The following DOCK11 variants were observed in gnomAD, a reference collection of about 807,000 sequenced individuals.
The protein encoded by DOCK11 is dedicator of cytokinesis 11, also known as dedicator of cytokinesis protein 11.
Under a neutral mutation model 169.1 loss-of-function variants are expected in DOCK11, and 70 were observed. The ratio of observed to expected loss-of-function variants is 0.41; its 90% CI spans 0.34 to 0.51. DOCK11 has a LOEUF of 0.51. DOCK11 is among the 20% of genes least tolerant of loss of function. The pLI, the probability that DOCK11 is intolerant of heterozygous loss-of-function variation, is 0.10. For synonymous variants in DOCK11, 529 were observed against 541.3 expected (o/e 0.98, Z 0.32); for missense variants, 1,166 against 1,538.8 (o/e 0.76, Z 4.05).
chrX:118,580,351 T>C (rs1030342025), intron 14 of DOCK11, among the ~76,000 whole-genome samples, 172 bp downstream of exon 14: 3 of 111,905 alleles, frequency 2.7e-5, no homozygotes, highest in Middle Eastern at 9.2e-3. Context: ...AGTTTCGCTC[T>C]TGTTGCCCAG....
At chrX:118,668,834 G>A (rs1020066651) in intron 45 of DOCK11, among the ~76,000 whole-genome samples, 4 of 111,631 alleles carry the variant, frequency 3.6e-5, no homozygotes, top group African/African-American at 1.3e-4. Context: ...GATTAACCAA[G>A]TAGAAGGGAT....
chrX:118,560,838 G>T (rs934690620), intron 6 of DOCK11, among the ~76,000 whole-genome samples: 4 of 111,412 alleles, frequency 3.6e-5, no homozygotes, highest in African/African-American at 1.3e-4. Context: ...CAGCACTTGG[G>T]GCACTCGACA....
At chrX:118,544,645 CTTTTTTTTTTTTTTTTTTTTTTTTTTTTT>C (rs1157804079) in intron 4 of DOCK11, among the ~76,000 whole-genome samples, 9 of 23,345 alleles carry the variant, frequency 3.9e-4, no homozygotes, top group African/African-American at 1.4e-3. Flanking sequence ...TACACTGTTG[CTTTTTTTTTTTTTTTTTTTTTTTTTTTTT>C]TTTGAGACAG....
rs376462551 is a variant in DOCK11, at chrX:118,654,877, A to C, written c.4912-27A>C. The C allele has an allele frequency of 5.8e-6, 7 of 1,206,951 alleles. No homozygotes were observed. The African/African-American group carries it at 7.0e-5, about 12-fold the overall frequency. ...CAAAACACCTTGAGCATGTTCTGAC[A>C]GTTCTTTCTCTGTCATCCTTTTTCA... On this transcript the variant is annotated intron_variant, in intron 43 of 52. Transcript: ENST00000276202.
chrX:118,656,480 C>G (rs2016073157), intron 44 of DOCK11, among the ~76,000 whole-genome samples: 1 of 110,262 alleles, frequency 9.1e-6, no homozygotes, highest in Non-Finnish European at 1.9e-5. Flanking sequence ...AGATTAATTA[C>G]CAAAATAAGG....
intron 31 of DOCK11, among the ~76,000 whole-genome samples, chrX:118,620,111 C>T (rs1323494107): frequency 1.8e-5 from 2 of 111,179 alleles, no homozygotes; most frequent in Non-Finnish European, 3.8e-5. Flanking sequence ...CCACCATGCC[C>T]GGCCTATTTA....
chrX:118,650,910 C>A (rs2147538575), intron 41 of DOCK11, among the ~76,000 whole-genome samples: 1 of 111,924 alleles, frequency 8.9e-6, no homozygotes, highest in South Asian at 3.7e-4. Context: ...GGATTTTTAT[C>A]ATAGGCATTT....
At chrX:118,598,719 G>T (rs748706929) in intron 22 of DOCK11, among the ~76,000 whole-genome samples, 1 of 112,306 alleles carries the variant, frequency 8.9e-6, no homozygotes, top group Non-Finnish European at 1.9e-5. Flanking sequence ...AAGTGCCATG[G>T]TAAATTTGGG....
rs1372074218 is a variant in DOCK11, at chrX:118,627,560, G to C, written c.3645G>C (p.Leu1215=). Residue 1215 remains leucine, a synonymous_variant, in exon 33 of 53, where the codon CTG becomes CTC. Coordinates refer to ENST00000276202, the MANE Select transcript of DOCK11 (RefSeq NM_144658.4). ...CTTCACCTGCCAATAGAGGGAGTCTGAGCACTGACAAAGACACCGGTAATT... is the reference window on the plus strand; with the variant it reads ...CTTCACCTGCCAATAGAGGGAGTCTCAGCACTGACAAAGACACCGGTAATT... ...GFTSPANRGS[L]STDKDTAYGS... The C allele has an allele frequency of 1.7e-6, 2 of 1,208,870 alleles. No homozygotes were observed. The highest frequency in any genetic ancestry group is 1.8e-5 in the South Asian group (1 of 56,873).
intron 14 of DOCK11, among the ~76,000 whole-genome samples, chrX:118,583,790 C>G (rs1246719224): frequency 1.8e-5 from 2 of 111,532 alleles, no homozygotes; most frequent in African/African-American, 6.5e-5. Context: ...TATTCACATC[C>G]TCCCATGTAC....
chrX:118,546,945 G>T (rs2012307469), intron 6 of DOCK11, among the ~76,000 whole-genome samples: 1 of 111,516 alleles, frequency 9.0e-6, no homozygotes, highest in African/African-American at 3.3e-5. Context: ...AGCCAAGATG[G>T]CACTACTGCA....
At position 118,600,084 on chromosome X, in the gene DOCK11, C is replaced by T. The variant is rs2014286928; in HGVS notation, c.2562+856C>T. On this transcript the variant is annotated intron_variant, in intron 23 of 52. Transcript: ENST00000276202. ...CTGTCATGTGAGGATAACAATAGTG[C>T]CCATCTTGTAGGGTGGTTGTGAGAC... Among the ~76,000 whole-genome samples the T allele has an allele frequency of 2.7e-5, 3 of 111,327 alleles. No homozygotes were observed. The Admixed American group carries it at 2.9e-4, about 11-fold the overall frequency.
In DOCK11 at chrX:118,584,735, A is replaced by T; in HGVS notation, c.1596A>T (p.Arg532Ser). Residue 532 changes from arginine to serine, a missense_variant and splice_region_variant, in exon 15 of 53, where the codon AGA becomes AGT. Coordinates refer to ENST00000276202, the MANE Select transcript of DOCK11 (RefSeq NM_144658.4). ...QYRMPFAWAARPIFKDTQGSL... is the reference protein window; with the variant it reads ...QYRMPFAWAASPIFKDTQGSL... ...AAAAATGCTTCTGTTGCTGTTTTAGACCCATTTTCAAAGATACTCAAGGCT... is the reference window on the plus strand; with the variant it reads ...AAAAATGCTTCTGTTGCTGTTTTAGTCCCATTTTCAAAGATACTCAAGGCT... 1 of 1,148,451 alleles carries T rather than the reference A, an allele frequency of 8.7e-7. No homozygotes were observed. The highest frequency in any genetic ancestry group is 3.1e-5 in the East Asian group (1 of 32,369). The allele number at this position is 1,148,451 out of a possible 1,213,427, so 94.6% of individuals were successfully genotyped here.
chrX:118,664,040 A>T (rs1023501187), intron 45 of DOCK11, among the ~76,000 whole-genome samples: 1 of 110,873 alleles, frequency 9.0e-6, no homozygotes, highest in African/African-American at 3.3e-5. Context: ...TTTGGTGATG[A>T]TGTGGGAGAT....
chrX:118,601,615 T>C (rs1188728100), intron 23 of DOCK11, among the ~76,000 whole-genome samples: 1 of 111,495 alleles, frequency 9.0e-6, no homozygotes, highest in Non-Finnish European at 1.9e-5. Context: ...ATTCTTAAAA[T>C]AGAAAAGTTC....
At chrX:118,644,145 CAG>C (rs773038393) in intron 40 of DOCK11, among the ~76,000 whole-genome samples, 8 of 111,738 alleles carry the variant, frequency 7.2e-5, no homozygotes, top group Non-Finnish European at 1.3e-4. Context: ...ATGACTGAAA[CAG>C]ACAGCAAAGA....
intron 20 of DOCK11, among the ~76,000 whole-genome samples, chrX:118,595,686 G>A (rs1003793533): frequency 3.6e-5 from 4 of 112,030 alleles, no homozygotes; most frequent in Non-Finnish European, 7.5e-5. Flanking sequence ...CAGTTATTCC[G>A]TGTGCCACTC....
chrX:118,602,290 T>C (rs1745257438), intron 23 of DOCK11, among the ~76,000 whole-genome samples: 1 of 109,927 alleles, frequency 9.1e-6, no homozygotes, highest in African/African-American at 3.3e-5. Flanking sequence ...CATCCACTTG[T>C]TGAGCTCTTG....
chrX:118,553,455 G>T (rs1158926161), intron 6 of DOCK11, among the ~76,000 whole-genome samples: 1 of 111,629 alleles, frequency 9.0e-6, no homozygotes, highest in Non-Finnish European at 1.9e-5. Context: ...CATTCCTCTA[G>T]CTCTCTCCTC....
Sources: allele counts gnomAD v4.1 joint callset (sites outside exome capture counted in the v4.1 genomes callset), GRCh38; gene constraint gnomAD v4.1.1; transcripts MANE v1.5; gene names NCBI Gene and HGNC (gene_info 2026-07-23, HGNC 2026-07-21).